OPCML: variants seen among roughly 807,000 people sequenced by gnomAD.
OPCML encodes opioid-binding protein/cell adhesion molecule.
Under a neutral mutation model 37.8 loss-of-function variants are expected in OPCML, and 13 were observed. The ratio of observed to expected loss-of-function variants is 0.34; its 90% CI spans 0.22 to 0.55. The LOEUF (loss-of-function observed/expected upper bound fraction) is 0.55. OPCML is among the 20% of genes least tolerant of loss of function. The probability of loss-of-function intolerance (pLI) is 0.91; values close to 1 mark genes in which losing one functional copy is unlikely to be tolerated. For missense variants in OPCML, 341 were observed against 435.6 expected (o/e 0.78, Z 1.93); for synonymous variants, 176 against 168.8 (o/e 1.04, Z -0.33).
intron 3 of OPCML, among the ~76,000 whole-genome samples, chr11:132,634,442 C>G (rs758391789): frequency 2.6e-5 from 4 of 152,108 alleles, no homozygotes; most frequent in Non-Finnish European, 5.9e-5. Flanking sequence ...GTTCTCATTC[C>G]CAATCCAAAA....
rs540135749 is a variant in OPCML at position 133,166,670 on chromosome 11, G to A, written c.62-223660C>T. 1.1e-3 allele frequency among the ~76,000 whole-genome samples: 173 copies of A among 152,280 alleles called. 1 individual carries two copies. The highest frequency in any genetic ancestry group is 4.9e-4 in the Non-Finnish European group (33 of 68,022). ...TTGATGTGCAGGCTGGCTCTGAGCCGGACCGTGCTCCTCATCAGACCTCCT... is the reference window on the plus strand; with the variant it reads ...TTGATGTGCAGGCTGGCTCTGAGCCAGACCGTGCTCCTCATCAGACCTCCT... On this transcript the variant is annotated intron_variant, in intron 1 of 7. Transcript: ENST00000524381.
At position 132,561,806 on chromosome 11, in the gene OPCML, G is replaced by A. The variant is rs2096411304; in HGVS notation, c.380-32620C>T. On this transcript the variant is annotated intron_variant, in intron 3 of 7. Coordinates refer to ENST00000524381, the MANE Select transcript of OPCML (RefSeq NM_001012393.5). ...ATGGCACAGGAGAACAGGCCTGTGA[G>A]CAACCAAATACATGTGTTGACATTA... 2.0e-5 allele frequency among the ~76,000 whole-genome samples: 3 copies of A among 152,210 alleles called. No homozygotes were observed. The South Asian group carries it at 6.2e-4, about 32-fold the overall frequency.
intron 2 of OPCML, among the ~76,000 whole-genome samples, chr11:132,915,501 T>C (rs1488286437): frequency 6.6e-6 from 1 of 152,174 alleles, no homozygotes; most frequent in Non-Finnish European, 1.5e-5. Context: ...TTTTTCTAAA[T>C]TCCCCCTGCA....
intron 1 of OPCML, among the ~76,000 whole-genome samples, chr11:133,215,513 C>G (rs1268742706): frequency 6.6e-6 from 1 of 152,162 alleles, no homozygotes; most frequent in Non-Finnish European, 1.5e-5. Flanking sequence ...CAGTGTATTC[C>G]ACGTCCTATT....
intron 1 of OPCML, among the ~76,000 whole-genome samples, chr11:133,508,831 C>T (rs536518393): frequency 1.3e-5 from 2 of 152,306 alleles, no homozygotes; most frequent in South Asian, 4.1e-4. Context: ...CAAGAATGAA[C>T]ACTTGCTGTG....
Position 133,203,435 on chromosome 11 carries a change from G to A in OPCML, c.62-260425C>T, listed in dbSNP as rs942591779. On this transcript the variant is annotated intron_variant, in intron 1 of 7. Transcript: ENST00000524381. Reference sequence around the variant, plus strand: ...ATGGTATGAGGCCAGGAGTATCTTCGCCTCTCAGGTGAAGCCATGGGAGAT... The same window carrying A: ...ATGGTATGAGGCCAGGAGTATCTTCACCTCTCAGGTGAAGCCATGGGAGAT... Among the ~76,000 whole-genome samples, 4 of 152,234 alleles carry A rather than the reference G, an allele frequency of 2.6e-5. No homozygotes were observed. In the South Asian group the frequency reaches 6.2e-4, roughly 24 times the overall value.
intron 1 of OPCML, among the ~76,000 whole-genome samples, chr11:133,457,609 C>G (rs1347327690): frequency 6.6e-6 from 1 of 151,322 alleles, no homozygotes; most frequent in Non-Finnish European, 1.5e-5. Context: ...CATATATATG[C>G]TTTAAGACAC....
chr11:132,894,469 A>T (rs1443964681), intron 2 of OPCML, among the ~76,000 whole-genome samples: 1 of 152,136 alleles, frequency 6.6e-6, no homozygotes, highest in East Asian at 1.9e-4. Flanking sequence ...AGGGGCCCAC[A>T]CCACTTAAGA....
chr11:133,309,902 G>T (rs1322101708), intron 1 of OPCML, among the ~76,000 whole-genome samples: 1 of 152,176 alleles, frequency 6.6e-6, no homozygotes, highest in South Asian at 2.1e-4. Flanking sequence ...TGCTTGAAGG[G>T]CAATGAGGAC....
chr11:132,998,542 A>G (rs1946930788), intron 1 of OPCML, among the ~76,000 whole-genome samples: 1 of 152,186 alleles, frequency 6.6e-6, no homozygotes, highest in African/African-American at 2.4e-5. Context: ...CAAAAAGGGG[A>G]AAAAACAATC....
chr11:132,724,525 C>T (rs1177759649), intron 2 of OPCML, among the ~76,000 whole-genome samples: 2 of 152,064 alleles, frequency 1.3e-5, no homozygotes, highest in South Asian at 2.1e-4. Flanking sequence ...GGGACACAGC[C>T]AAACCATATT....
chr11:132,954,936 G>A (rs554429317), intron 1 of OPCML, among the ~76,000 whole-genome samples: 7 of 152,180 alleles, frequency 4.6e-5, no homozygotes, highest in Admixed American at 2.0e-4. Flanking sequence ...AGTGGCTAGC[G>A]GCATCCACTA....
At chr11:132,535,057 T>C (rs976482912) in intron 3 of OPCML, among the ~76,000 whole-genome samples, 6 of 148,444 alleles carry the variant, frequency 4.0e-5, no homozygotes, top group Non-Finnish European at 3.0e-5. Context: ...TTATATATAA[T>C]AATATGGTAT....
chr11:132,489,054 A>G (rs2096208260), intron 4 of OPCML, among the ~76,000 whole-genome samples: 1 of 152,258 alleles, frequency 6.6e-6, no homozygotes, highest in Non-Finnish European at 1.5e-5. Flanking sequence ...AGCTCAAAAC[A>G]CAAACACATT....
At chr11:132,795,462 C>T (rs1938248424) in intron 2 of OPCML, among the ~76,000 whole-genome samples, 1 of 152,190 alleles carries the variant, frequency 6.6e-6, no homozygotes, top group Non-Finnish European at 1.5e-5. Flanking sequence ...TAGAACATTT[C>T]CATATTCCCA....
chr11:133,477,173 G>T (rs909095115), intron 1 of OPCML, among the ~76,000 whole-genome samples: 1 of 152,078 alleles, frequency 6.6e-6, no homozygotes, highest in Non-Finnish European at 1.5e-5. Flanking sequence ...TTCCCCCCAC[G>T]TTTTTCTGTT....
At position 133,500,681 on chromosome 11, in the gene OPCML, C is replaced by T. The variant is rs572863993; in HGVS notation, c.61+31583G>A. 2.6e-5 allele frequency among the ~76,000 whole-genome samples: 4 copies of T among 152,332 alleles called. No homozygotes were observed. In the East Asian group the frequency reaches 7.7e-4, roughly 29 times the overall value. ...GGAGAATTACCCGGCTCGAGTCCTC[C>T]TCCTGCATCTAGCCAATTTCTGCTC... On this transcript the variant is annotated intron_variant, in intron 1 of 7. Transcript: ENST00000524381.
In OPCML at chr11:132,840,815, G is replaced by A. The variant is rs754888283; in HGVS notation, c.146+102111C>T. The stretch of plus-strand genomic sequence containing the variant: ...CCATTGGAGAGGCTGGAGAATGCTC[G>A]TTAGAAAAATGTTGATGAGGCCGCT... On this transcript the variant is annotated intron_variant, in intron 2 of 7. Transcript: ENST00000524381. Among the ~76,000 whole-genome samples the A allele has an allele frequency of 1.1e-4, 16 of 152,138 alleles. No homozygotes were observed. In the South Asian group the frequency reaches 1.5e-3, roughly 14 times the overall value.
intron 2 of OPCML, among the ~76,000 whole-genome samples, chr11:132,680,788 ACT>A (rs1377987189): frequency 6.6e-6 from 1 of 151,992 alleles, no homozygotes; most frequent in African/African-American, 2.4e-5. Context: ...AGCTTGAATC[ACT>A]CTGGCGGTTG....
Sources: gnomAD v4.1 joint callset for allele counts (sites outside exome capture counted in the v4.1 genomes callset) on GRCh38, gnomAD v4.1.1 for gene constraint, MANE v1.5 for transcripts, NCBI Gene and HGNC (gene_info 2026-07-23, HGNC 2026-07-21) for gene names.